The following NR3C2 variants were observed in gnomAD, a reference collection of about 807,000 sequenced individuals.
NR3C2 encodes mineralocorticoid receptor.
A neutral mutation model predicts 86.4 loss-of-function variants in NR3C2; 15 were observed. The observed-to-expected ratio is 0.17, with a 90% CI of 0.12 to 0.27. The LOEUF (loss-of-function observed/expected upper bound fraction) is 0.27. Ranked by LOEUF, NR3C2 falls within the 10% of genes least tolerant of loss-of-function variation. NR3C2 has a pLI of 1.00. For missense variants in NR3C2, 960 were observed against 1,195.6 expected (o/e 0.80, Z 2.91); for synonymous variants, 458 against 450.5 (o/e 1.02, Z -0.21).
intron 2 of NR3C2, among the ~76,000 whole-genome samples, chr4:148,321,701 C>T (rs1437830479): frequency 6.6e-6 from 1 of 151,752 alleles, no homozygotes; most frequent in Admixed American, 6.6e-5. Context: ...GGATTGCAAC[C>T]CCTGCCTTTT....
intron 8 of NR3C2, among the ~76,000 whole-genome samples, chr4:148,100,786 T>C (rs1476963714): frequency 1.3e-5 from 2 of 152,238 alleles, no homozygotes; most frequent in East Asian, 1.9e-4. Flanking sequence ...AGCAGCACTA[T>C]TCACAATAGG....
chr4:148,312,213 G>A (rs1328655603), intron 2 of NR3C2, among the ~76,000 whole-genome samples: 1 of 152,106 alleles, frequency 6.6e-6, no homozygotes, highest in Non-Finnish European at 1.5e-5. Flanking sequence ...TCTGTAAAGT[G>A]ACAATTATAT....
chr4:148,364,582 T>C (rs1746013741), intron 2 of NR3C2, among the ~76,000 whole-genome samples: 1 of 152,200 alleles, frequency 6.6e-6, no homozygotes. Context: ...GTTAGGTCCT[T>C]ACAAAGGCAA....
intron 2 of NR3C2, among the ~76,000 whole-genome samples, chr4:148,291,295 A>G (rs897624012): frequency 6.6e-6 from 1 of 152,056 alleles, no homozygotes; most frequent in African/African-American, 2.4e-5. Flanking sequence ...CTTTACATCA[A>G]AGATTTTTAG....
chr4:148,084,094 CTCTTCAGGA>C (rs1476228749), intron 8 of NR3C2, among the ~76,000 whole-genome samples: 4 of 152,222 alleles, frequency 2.6e-5, no homozygotes, highest in Non-Finnish European at 5.9e-5. Context: ...TTGGAAAACA[CTCTTCAGGA>C]TATTATCCAG....
intron 3 of NR3C2, among the ~76,000 whole-genome samples, chr4:148,211,869 C>T (rs912494106): frequency 1.2e-4 from 19 of 152,198 alleles, no homozygotes; most frequent in African/African-American, 4.1e-4. Flanking sequence ...TAATAATAAT[C>T]AGCCATCAAT....
intron 3 of NR3C2, among the ~76,000 whole-genome samples, chr4:148,202,777 T>A (rs1263696550): frequency 6.6e-6 from 1 of 151,998 alleles, no homozygotes; most frequent in Non-Finnish European, 1.5e-5. Flanking sequence ...GGCCCTAAGG[T>A]TCCCCCCTCA....
intron 6 of NR3C2, among the ~76,000 whole-genome samples, chr4:148,148,194 G>A (rs1316116482): frequency 6.6e-6 from 1 of 151,374 alleles, no homozygotes; most frequent in Admixed American, 6.6e-5. Context: ...ATCCCAGTGA[G>A]GGGCACCAAA....
chr4:148,218,834 G>A (rs1262076674), intron 3 of NR3C2, among the ~76,000 whole-genome samples: 5 of 152,276 alleles, frequency 3.3e-5, no homozygotes, highest in Middle Eastern at 6.8e-3. Flanking sequence ...GTTGCAGTGC[G>A]TGCTGAACAG....
intron 2 of NR3C2, among the ~76,000 whole-genome samples, chr4:148,416,863 T>C (rs1037903624): frequency 1.3e-5 from 2 of 152,060 alleles, no homozygotes; most frequent in Non-Finnish European, 2.9e-5. Flanking sequence ...GCAACCTCTA[T>C]CTCCTGGGTT....
intron 8 of NR3C2, among the ~76,000 whole-genome samples, chr4:148,089,380 A>G (rs764792834): frequency 1.3e-5 from 2 of 152,210 alleles, no homozygotes; most frequent in African/African-American, 4.8e-5. Flanking sequence ...TATCCGGGCT[A>G]TAAGAACAGT....
At chr4:148,149,911 A>G (rs969571671) in intron 6 of NR3C2, among the ~76,000 whole-genome samples, 18 of 152,222 alleles carry the variant, frequency 1.2e-4, no homozygotes, top group African/African-American at 4.3e-4. Context: ...AGTGCTGGCA[A>G]GGATGCAGAG....
intron 7 of NR3C2, among the ~76,000 whole-genome samples, chr4:148,119,650 G>A (rs1019700218): frequency 1.3e-5 from 2 of 152,122 alleles, no homozygotes; most frequent in Non-Finnish European, 2.9e-5. Flanking sequence ...GCTGGGTATG[G>A]TGGTGCATGC....
Position 148,118,366 on chromosome 4 carries a change from A to C in NR3C2, c.2641+1792T>G, listed in dbSNP as rs141332355. 3.3e-5 allele frequency among the ~76,000 whole-genome samples: 5 copies of C among 152,120 alleles called. No individual in the cohort carries two copies. In the East Asian group the frequency reaches 9.7e-4, roughly 29 times the overall value. The stretch of plus-strand genomic sequence containing the variant: ...CTGTGGAGGCCATGCTGTTAGTCAC[A>C]TGCCTTTTGAAAACTCTCACCTCGT... On this transcript the variant is annotated intron_variant, in intron 7 of 8. Transcript: ENST00000358102.
intron 3 of NR3C2, among the ~76,000 whole-genome samples, chr4:148,211,417 G>C (rs558501089): frequency 1.3e-5 from 2 of 152,334 alleles, no homozygotes; most frequent in East Asian, 3.9e-4. Context: ...ATAAAATGCA[G>C]ACATGGAAGG....
intron 2 of NR3C2, among the ~76,000 whole-genome samples, chr4:148,316,605 A>G (rs1743191921): frequency 6.6e-6 from 1 of 152,190 alleles, no homozygotes; most frequent in African/African-American, 2.4e-5. Flanking sequence ...ATTTCTTTTA[A>G]GGAGGAAATT....
rs1009023726 is a variant in NR3C2, at chr4:148,080,182, G to A, written c.*1162C>T. On this transcript the variant is annotated 3_prime_UTR_variant, in exon 9 of 9. Transcript: ENST00000358102. ...CCTTCCAGGAGCTGCAGACACCGCA[G>A]TGTGTCATTCCCCGATGGAGCAGGA... The A allele has an allele frequency of 7.2e-5, 11 of 152,434 alleles. No individual in the cohort carries two copies. Among genetic ancestry groups the A allele is most frequent in the African/African-American group, 2.4e-4 (10 of 41,570 alleles). 9.4% of individuals were successfully genotyped at this position (152,434 alleles called of 1,614,324 possible).
intron 3 of NR3C2, among the ~76,000 whole-genome samples, chr4:148,249,114 A>C (rs1424056953): frequency 6.6e-6 from 1 of 152,198 alleles, no homozygotes; most frequent in Non-Finnish European, 1.5e-5. Context: ...ACTTACTGGA[A>C]AACTCTCAAA....
At chr4:148,239,468 C>T (rs1738910022) in intron 3 of NR3C2, among the ~76,000 whole-genome samples, 1 of 152,190 alleles carries the variant, frequency 6.6e-6, no homozygotes, top group African/African-American at 2.4e-5. Context: ...ATCTGCCCCT[C>T]TGCCTCTGGT....
Sources: allele counts gnomAD v4.1 joint callset (sites outside exome capture counted in the v4.1 genomes callset), GRCh38; gene constraint gnomAD v4.1.1; transcripts MANE v1.5; gene names NCBI Gene and HGNC (gene_info 2026-07-23, HGNC 2026-07-21).